CRYZ: variants seen among roughly 807,000 people sequenced by gnomAD.
CRYZ encodes the protein zeta-crystallin.
In CRYZ, 35 loss-of-function variants were observed where a neutral mutation model predicts 34.1. The observed-to-expected ratio is 1.03, with a 90% CI of 0.78 to 1.36. The LOEUF is 1.36. Ranked by LOEUF, CRYZ falls within the 40% of genes most tolerant of loss-of-function variation. The pLI, the probability that CRYZ is intolerant of heterozygous loss-of-function variation, is 0.00. For synonymous variants in CRYZ, 137 were observed against 136.5 expected (o/e 1.00, Z -0.03); for missense variants, 403 against 391.8 (o/e 1.03, Z -0.24).
chr1:74,706,865 A>G (rs1424674534), intron 8 of CRYZ, 34 bp downstream of exon 8: 3 of 1,569,718 alleles, frequency 1.9e-6, no homozygotes, highest in Non-Finnish European at 1.8e-6. Flanking sequence ...ACCAATGTTT[A>G]AGTTACCAAA....
chr1:74,730,239 A>C (rs1021522176), intron 1 of CRYZ: 3 of 152,172 alleles, frequency 2.0e-5, no homozygotes, highest in African/African-American at 7.2e-5. Context: ...ATCTGACTAC[A>C]TTATCCTATC....
Position 74,707,202 on chromosome 1 carries a change from C to A in CRYZ, c.633G>T (p.Lys211Asn), listed in dbSNP as rs752494805. The A allele has an allele frequency of 3.4e-6, 5 of 1,479,068 alleles. No homozygotes were observed. In the South Asian group the frequency reaches 6.1e-5, roughly 18 times the overall value. The allele number at this position is 1,479,068 out of a possible 1,614,324, so 91.6% of individuals were successfully genotyped here. Reference protein sequence around the residue: ...REVNYIDKIKKYVGEKGIDII... With the variant: ...REVNYIDKIKNYVGEKGIDII... ...TATCAATTCCTTTCTCACCAACATA[C>A]TTCTATATAATAAAAGAGAAATGTA... Residue 211 changes from lysine to asparagine, a missense_variant and splice_region_variant, in exon 7 of 9, where the codon AAG becomes AAT. Lys to Asn is a moderately conservative substitution (Grantham distance 94, BLOSUM62 0). Coordinates refer to ENST00000340866, the MANE Select transcript of CRYZ (RefSeq NM_001889.4).
At position 74,710,202 on chromosome 1, in the gene CRYZ, T is replaced by C. The variant is rs3819946; in HGVS notation, c.526A>G (p.Ile176Val). ...TCCTCAGTACCAGCAGTGCCCAAAA[T>C]CTTTAAGCCATAAGCTCTAGCAATT... Reference protein sequence around the residue: ...CQIARAYGLKILGTAGTEEGQ... With the variant: ...CQIARAYGLKVLGTAGTEEGQ... The change falls in exon 6 of 9, where the codon ATT becomes GTT. Residue 176 changes from isoleucine to valine, a missense_variant. Coordinates refer to ENST00000340866, the MANE Select transcript of CRYZ (RefSeq NM_001889.4). The C allele has an allele frequency of 0.2, 319,651 of 1,613,210 alleles. 48,468 individuals are homozygous for C. Among genetic ancestry groups the C allele is most frequent in the East Asian group, 0.79 (35,515 of 44,822 alleles).
chr1:74,721,170 T>C (rs546196608), intron 3 of CRYZ, among the ~76,000 whole-genome samples: 3 of 152,268 alleles, frequency 2.0e-5, no homozygotes, highest in South Asian at 2.1e-4. Flanking sequence ...TAATGTGTGG[T>C]ATGTAACTGT....
At chr1:74,717,242 A>C (rs1292449859) in intron 4 of CRYZ, among the ~76,000 whole-genome samples, 2 of 150,510 alleles carry the variant, frequency 1.3e-5, no homozygotes, top group Non-Finnish European at 3.0e-5. Flanking sequence ...TAAAAAAAAA[A>C]ATCCCTTTTT....
intron 5 of CRYZ, among the ~76,000 whole-genome samples, chr1:74,713,028 T>G (rs1323066454): frequency 6.6e-6 from 1 of 151,966 alleles, no homozygotes; most frequent in Non-Finnish European, 1.5e-5. Flanking sequence ...CCAAAGGAAT[T>G]CGAATTAAAT....
At position 74,710,137 on chromosome 1, in the gene CRYZ, C is replaced by A. The variant is rs761551680; in HGVS notation, c.591G>T (p.Val197=). The A allele has an allele frequency of 1.2e-6, 2 of 1,613,504 alleles. No homozygotes were observed. The highest frequency in any genetic ancestry group is 1.7e-6 in the Non-Finnish European group (2 of 1,179,724). Residue 197 remains valine (V), a synonymous_variant, in exon 6 of 9, where the codon GTG becomes GTT. Transcript: ENST00000340866. ...TGTAATTCACTTCTCTGTGATTGAACACTTCATGGGCTCCATTTTGCAAAA... is the reference window on the plus strand; with the variant it reads ...TGTAATTCACTTCTCTGTGATTGAAAACTTCATGGGCTCCATTTTGCAAAA... The part of the protein sequence containing the change: ...KIVLQNGAHE[V]FNHREVNYID...
intron 5 of CRYZ, among the ~76,000 whole-genome samples, chr1:74,710,658 C>T (rs1265370023): frequency 6.6e-6 from 1 of 152,166 alleles, no homozygotes; most frequent in Non-Finnish European, 1.5e-5. Flanking sequence ...ATGATCAGAA[C>T]ATGCTCTCTG....
rs752066398 is a variant in CRYZ, at chr1:74,706,253, C to T, written c.*43G>A. On this transcript the variant is annotated 3_prime_UTR_variant, in exon 9 of 9. Transcript: ENST00000340866. ...AGGGTAAGTACAACTGGGGGAAAGA[C>T]AGTACCTCTAATTACATAGGAAATC... 1.0e-5 allele frequency: 15 copies of T among 1,498,614 alleles called. No homozygotes were observed. Among genetic ancestry groups the T allele is most frequent in the Admixed American group, 2.1e-5 (1 of 47,978 alleles). The allele number at this position is 1,498,614 out of a possible 1,614,324, so 92.8% of individuals were successfully genotyped here. A position where few individuals can be genotyped will look rare whatever the true frequency, so the allele number is the denominator to read the frequency against.
Position 74,729,147 on chromosome 1 carries a change from T to C in CRYZ, c.-14+3809A>G, listed in dbSNP as rs80128454. Reference sequence around the variant, plus strand: ...TGTTTTTGTTTTGTTTTTTTTTTTTTCAACATGACGTTACGGAAAGAGCAG... The same window carrying C: ...TGTTTTTGTTTTGTTTTTTTTTTTTCCAACATGACGTTACGGAAAGAGCAG... On this transcript the variant is annotated intron_variant, in intron 1 of 8. Coordinates refer to ENST00000340866, the MANE Select transcript of CRYZ (RefSeq NM_001889.4). Among the ~76,000 whole-genome samples the C allele has an allele frequency of 5.7e-4, 80 of 140,116 alleles. No individual in the cohort carries two copies. The Middle Eastern group carries it at 0.011, about 19-fold the overall frequency. 91.9% of individuals were successfully genotyped at this position (140,116 alleles called of 152,430 possible).
At chr1:74,728,200 A>G (rs551439487) in intron 1 of CRYZ, among the ~76,000 whole-genome samples, 1 of 152,334 alleles carries the variant, frequency 6.6e-6, no homozygotes, top group South Asian at 2.1e-4. Context: ...CATTTTAACA[A>G]AAGGGGAAAA....
chr1:74,730,787 C>T (rs190708989), intron 1 of CRYZ, among the ~76,000 whole-genome samples: 26 of 152,148 alleles, frequency 1.7e-4, no homozygotes, highest in Admixed American at 1.6e-3. Flanking sequence ...CCCTTTACTT[C>T]GTAGAAATAA....
intron 5 of CRYZ, among the ~76,000 whole-genome samples, chr1:74,713,259 A>G (rs1249340818): frequency 6.6e-6 from 1 of 152,170 alleles, no homozygotes. Context: ...AAGGGAATAT[A>G]AAGAGATTTT....
rs57504503 is a variant in CRYZ at position 74,719,208 on chromosome 1, C to T, written c.428+1G>A. On this transcript the variant is annotated splice_donor_variant, in intron 4 of 8. Coordinates refer to ENST00000340866, the MANE Select transcript of CRYZ (RefSeq NM_001889.4). LOFTEE classifies it high-confidence loss of function. ...ATAAAATTGACAGAATGTGTTATTACCTGTGGATCAGAGCTCGATAAGCAG... is the reference window on the plus strand; with the variant it reads ...ATAAAATTGACAGAATGTGTTATTATCTGTGGATCAGAGCTCGATAAGCAG... 6.2e-7 allele frequency: 1 copy of T among 1,613,256 alleles called. No individual in the cohort carries two copies.
chr1:74,725,055 C>T (rs2100727441), intron 1 of CRYZ, among the ~76,000 whole-genome samples: 1 of 152,292 alleles, frequency 6.6e-6, no homozygotes, highest in South Asian at 2.1e-4. Context: ...TCAGTGCCTT[C>T]AACAAAGGAA....
chr1:74,707,332 A>G, intron 6 of CRYZ, 128 bp from the exon 7 acceptor site: 2 of 593,318 alleles, frequency 3.4e-6, no homozygotes, highest in South Asian at 4.4e-5. Flanking sequence ...TGAGACTAAT[A>G]ATGCAAAATT....
intron 3 of CRYZ, 89 bp from the exon 4 acceptor site, chr1:74,719,461 G>A: frequency 8.1e-7 from 1 of 1,240,876 alleles, no homozygotes; most frequent in East Asian, 2.5e-5. Flanking sequence ...AAATAAGTGA[G>A]TACTCATATA....
At chr1:74,712,683 T>C (rs1319039368) in intron 5 of CRYZ, among the ~76,000 whole-genome samples, 1 of 152,136 alleles carries the variant, frequency 6.6e-6, no homozygotes. Context: ...CAACCCACTA[T>C]GGGGTGGGCA....
At chr1:74,715,705 T>A (rs180740988) in intron 4 of CRYZ, among the ~76,000 whole-genome samples, 30 of 152,260 alleles carry the variant, frequency 2.0e-4, no homozygotes, top group Admixed American at 1.1e-3. Context: ...AAGAAATTTT[T>A]CAAAAATTCT....
Sources: allele counts gnomAD v4.1 joint callset (sites outside exome capture counted in the v4.1 genomes callset), GRCh38; gene constraint gnomAD v4.1.1; transcripts MANE v1.5; gene names NCBI Gene and HGNC (gene_info 2026-07-23, HGNC 2026-07-21).